PFKFB3: variants seen among roughly 807,000 people sequenced by gnomAD.
PFKFB3 encodes the protein 6-phosphofructo-2-kinase/fructose-2,6-bisphosphatase 3.
PFKFB3 carries 33 observed loss-of-function variants against 68.0 expected under a neutral mutation model. The observed-to-expected ratio is 0.49, with a 90% CI of 0.37 to 0.65. The LOEUF is 0.65. Among genes scored for constraint, PFKFB3 ranks in the 30% least tolerant of loss-of-function variants. The pLI is 0.00. For missense variants in PFKFB3, 586 were observed against 712.2 expected, an observed-to-expected ratio of 0.82 and a Z score of 2.02; for synonymous variants, 315 against 288.2, an observed-to-expected ratio of 1.09 and a Z score of -0.94.
the PFKFB3 span, chr10:6,277,573 C>T: frequency 1.6e-5 from 3 of 183,986 alleles, no homozygotes. Flanking sequence ...GTGCTCACAA[C>T]AGAGTTCTTG....
At chr10:6,223,042 G>A (rs1236948279) in intron 11 of PFKFB3, 58 bp downstream of exon 11, 9 of 1,560,796 alleles carry the variant, frequency 5.8e-6, no homozygotes, top group Admixed American at 3.6e-5. Context: ...GCACTCGGCG[G>A]GGGGTCAGCC....
intron 1 of PFKFB3, among the ~76,000 whole-genome samples, chr10:6,169,307 C>T (rs545615892): frequency 2.6e-5 from 4 of 152,310 alleles, no homozygotes; most frequent in Admixed American, 6.5e-5. Context: ...GGGGAGAGCA[C>T]ATTTTCTGTT....
At chr10:6,198,419 C>T (rs118089600), upstream of PFKFB3, among the ~76,000 whole-genome samples, 1,578 of 152,248 alleles carry the variant, frequency 0.01, 14 homozygotes, top group South Asian at 0.027. Context: ...GTGTATTCTC[C>T]TCACATCCAC....
intron 1 of PFKFB3, among the ~76,000 whole-genome samples, chr10:6,158,393 T>C (rs758296681): frequency 2.0e-5 from 3 of 152,040 alleles, no homozygotes; most frequent in Non-Finnish European, 2.9e-5. Flanking sequence ...AAAATGCAGA[T>C]TGAGACCAAA....
In PFKFB3 at chr10:6,209,963, G is replaced by A. The variant is rs142689866; in HGVS notation, c.77-3660G>A. 3.4e-4 allele frequency among the ~76,000 whole-genome samples: 51 copies of A among 151,514 alleles called. 2 individuals carry two copies. In the East Asian group the frequency reaches 9.6e-3, roughly 28 times the overall value. On this transcript the variant is annotated intron_variant, in intron 1 of 14. Coordinates refer to ENST00000379775, the MANE Select transcript of PFKFB3 (RefSeq NM_004566.4). ...GTATTTTTAATAGAGATGGGGTTTC[G>A]CTGTGGTCTCGATCTCCTGACCTTG...
chr10:6,323,057 C>G, the PFKFB3 span, among the ~76,000 whole-genome samples: 1 of 152,212 alleles, frequency 6.6e-6, no homozygotes, highest in East Asian at 1.9e-4. Flanking sequence ...ATGTGAATCC[C>G]TCTGTGGATC....
At chr10:6,175,876 A>C (rs1179175882) in intron 1 of PFKFB3, among the ~76,000 whole-genome samples, 2 of 152,218 alleles carry the variant, frequency 1.3e-5, no homozygotes, top group Non-Finnish European at 2.9e-5. Context: ...GGAGACTGTG[A>C]CTCACACCAA....
downstream of PFKFB3, among the ~76,000 whole-genome samples, chr10:6,259,596 A>ATCCATCCATCCATCCG (rs1564239590): frequency 5.3e-5 from 8 of 150,414 alleles, no homozygotes; most frequent in African/African-American, 1.7e-4. Context: ...CCATCCATCC[A>ATCCATCCATCCATCCG]TCCATCCATC....
At chr10:6,231,809 TATCACCTCCTGGTGGGCACTC>T (rs1845764189) in intron 14 of PFKFB3, among the ~76,000 whole-genome samples, 2 of 149,152 alleles carry the variant, frequency 1.3e-5, no homozygotes, top group South Asian at 4.3e-4. Context: ...GGCAGGCACC[TATCACCTCCTGGTGGGCACTC>T]ATCACCTCCC....
intron 1 of PFKFB3, among the ~76,000 whole-genome samples, chr10:6,150,891 C>T (rs1236499254): frequency 1.3e-5 from 2 of 152,006 alleles, no homozygotes; most frequent in African/African-American, 4.8e-5. Flanking sequence ...TTCAGCTATT[C>T]CGGAGGCTGA....
the PFKFB3 span, among the ~76,000 whole-genome samples, chr10:6,268,360 A>C: frequency 1.3e-5 from 2 of 152,070 alleles, no homozygotes; most frequent in East Asian, 3.9e-4. Flanking sequence ...CTATTATAAA[A>C]ATTATATAAG....
chr10:6,193,377 CA>C (rs1477447068), intron 1 of PFKFB3, among the ~76,000 whole-genome samples: 1 of 152,074 alleles, frequency 6.6e-6, no homozygotes, highest in African/African-American at 2.4e-5. Flanking sequence ...CAAAACAAAA[CA>C]AAAAAGTATT....
the PFKFB3 span, among the ~76,000 whole-genome samples, chr10:6,262,185 T>A: frequency 6.6e-6 from 1 of 152,016 alleles, no homozygotes; most frequent in African/African-American, 2.4e-5. Context: ...CCGGGCGTGG[T>A]GGCTCACGCC....
At chr10:6,173,360 A>G (rs546954265) in intron 1 of PFKFB3, among the ~76,000 whole-genome samples, 5 of 152,334 alleles carry the variant, frequency 3.3e-5, no homozygotes, top group Non-Finnish European at 7.3e-5. Context: ...GGGGGCGCTC[A>G]GGAAGAGGTT....
chr10:6,230,405 A>G (rs1384943641), intron 14 of PFKFB3, among the ~76,000 whole-genome samples: 4 of 152,200 alleles, frequency 2.6e-5, no homozygotes, highest in Non-Finnish European at 5.9e-5. Flanking sequence ...TGGGCAAGTT[A>G]AAGCAATTCT....
chr10:6,299,825 C>T, the PFKFB3 span, among the ~76,000 whole-genome samples: 2 of 152,092 alleles, frequency 1.3e-5, no homozygotes, highest in South Asian at 4.1e-4. Flanking sequence ...AGAGTGAAGG[C>T]CTGAAGCTGT....
the PFKFB3 span, among the ~76,000 whole-genome samples, chr10:6,275,717 G>A: frequency 6.6e-6 from 1 of 152,136 alleles, no homozygotes; most frequent in South Asian, 2.1e-4. This position sits in a 1 kb window ranked among gnomAD's most constrained non-coding sequence, Gnocchi z 4.9. Flanking sequence ...CCGCTTCCCG[G>A]GATTCTCCTG....
At chr10:6,187,462 T>A (rs1842900915) in intron 1 of PFKFB3, among the ~76,000 whole-genome samples, 1 of 152,158 alleles carries the variant, frequency 6.6e-6, no homozygotes, top group African/African-American at 2.4e-5. Flanking sequence ...TGCAGTGTGG[T>A]TTATATTACG....
chr10:6,199,129 C>A (rs1035283782), upstream of PFKFB3, among the ~76,000 whole-genome samples: 1 of 152,188 alleles, frequency 6.6e-6, no homozygotes. Context: ...TTCTCTCCCT[C>A]ATACATGGGA....
Sources: allele counts gnomAD v4.1 joint callset (sites outside exome capture counted in the v4.1 genomes callset), GRCh38; gene constraint gnomAD v4.1.1; non-coding constraint Gnocchi (gnomAD v3.1); transcripts MANE v1.5; gene names NCBI Gene and HGNC (gene_info 2026-07-23, HGNC 2026-07-21).